FEZ2: variants seen among roughly 807,000 people sequenced by gnomAD.
FEZ2 encodes fasciculation and elongation protein zeta-2.
Under a neutral mutation model 40.4 loss-of-function variants are expected in FEZ2, and 51 were observed. The observed-to-expected ratio is 1.26, with a 90% CI of 1.01 to 1.59. The LOEUF (loss-of-function observed/expected upper bound fraction) is 1.59, where lower values mean the gene tolerates loss of function less well. Among genes scored for constraint, FEZ2 ranks in the 40% most tolerant of loss-of-function variants. The pLI, the probability that FEZ2 is intolerant of heterozygous loss-of-function variation, is 0.00. For missense variants in FEZ2, 640 were observed against 438.3 expected, an observed-to-expected ratio of 1.46 and a Z score of -4.11; for synonymous variants, 242 against 172.0, an observed-to-expected ratio of 1.41 and a Z score of -3.18.
Position 36,573,689 on chromosome 2 carries a change from G to A in FEZ2, c.903+4908C>T, listed in dbSNP as rs181780888. ...AAGCCAATGATTACAACACAGTGTG[G>A]TACTTCAATATCACAAGTATGTGTA... On this transcript the variant is annotated intron_variant, in intron 5 of 7. Transcript: ENST00000405912. Among the ~76,000 whole-genome samples the A allele has an allele frequency of 2.0e-5, 3 of 152,308 alleles. No individual in the cohort carries two copies. In the East Asian group the frequency reaches 5.8e-4, roughly 29 times the overall value.
At chr2:36,575,842 T>A (rs848600) in intron 5 of FEZ2, among the ~76,000 whole-genome samples, 90,086 of 151,974 alleles carry the variant, frequency 0.59, 27,318 homozygotes, top group East Asian at 0.85. Context: ...AATTTTAGAT[T>A]AAGTGGTATG....
At chr2:36,580,145 T>C (rs888711787) in intron 4 of FEZ2, among the ~76,000 whole-genome samples, 5 of 152,360 alleles carry the variant, frequency 3.3e-5, no homozygotes, top group Non-Finnish European at 4.4e-5. Flanking sequence ...CCACCCACTC[T>C]GTGGTACTTT....
intron 6 of FEZ2, chr2:36,556,547 G>GT (rs1667966246): frequency 1.3e-5 from 2 of 152,196 alleles, no homozygotes; most frequent in Non-Finnish European, 2.9e-5. Context: ...GCAAAATAGT[G>GT]TAACTGTCAA....
At chr2:36,566,877 G>A (rs1034828655) in intron 5 of FEZ2, among the ~76,000 whole-genome samples, 3 of 152,052 alleles carry the variant, frequency 2.0e-5, no homozygotes, top group Non-Finnish European at 2.9e-5. Context: ...TAAATCCTAC[G>A]AGTCTATGGA....
At chr2:36,568,852 C>CT (rs778397677) in intron 5 of FEZ2, among the ~76,000 whole-genome samples, 1 of 152,140 alleles carries the variant, frequency 6.6e-6, no homozygotes, top group Non-Finnish European at 1.5e-5. Context: ...AAAATCAGTC[C>CT]TTATCTGGAA....
chr2:36,578,775 T>C lies in FEZ2; in HGVS notation c.725A>G (p.Gln242Arg). The change falls in exon 5 of 8, where the codon CAG (glutamine) becomes CGG (arginine). Residue 242 changes from glutamine (Q) to arginine (R), a missense_variant. Gln to Arg is a conservative substitution (Grantham distance 43). Coordinates refer to ENST00000405912, the MANE Select transcript of FEZ2 (RefSeq NM_005102.3). The part of the protein sequence containing the change: ...IKEYSEELVQ[Q>R]LALRDELEFE... Reference sequence around the variant, plus strand: ...CTCCAGTTCATCTCGTAAAGCCAACTGCTGCACCAGCTCCTCAGAGTACTC... The same window carrying C: ...CTCCAGTTCATCTCGTAAAGCCAACCGCTGCACCAGCTCCTCAGAGTACTC... 1.2e-6 allele frequency: 2 copies of C among 1,614,018 alleles called. No individual in the cohort carries two copies. The highest frequency in any genetic ancestry group is 1.7e-6 in the Non-Finnish European group (2 of 1,179,854).
chr2:36,597,034 T>G (rs1669245161), intron 1 of FEZ2, among the ~76,000 whole-genome samples: 1 of 152,118 alleles, frequency 6.6e-6, no homozygotes, highest in South Asian at 2.1e-4. Context: ...GATTCTGTAA[T>G]TATTAATATT....
chr2:36,597,879 G>T lies in FEZ2; in HGVS notation c.264C>A (p.Asp88Glu), dbSNP rs1185618079. ...CCCGGCCGGGGCCCCGCACTCACTC[G>T]TCCCCCTGCAGGAGGCTGCGCTCCG... is the stretch of plus-strand genomic sequence containing the variant. ...PITERSLLQG[D>E]EIWNALTDNY... Residue 88 changes from aspartate (D) to glutamate (E), a missense_variant and splice_region_variant, in exon 1 of 8, where the codon GAC becomes GAA. Asp to Glu is a conservative substitution (Grantham distance 45, BLOSUM62 2). Coordinates refer to ENST00000405912, the MANE Select transcript of FEZ2 (RefSeq NM_005102.3). 7.3e-7 allele frequency: 1 copy of T among 1,365,724 alleles called. No individual in the cohort carries two copies. The highest frequency in any genetic ancestry group is 1.7e-5 in the South Asian group (1 of 59,836). The allele number at this position is 1,365,724 out of a possible 1,614,324, so 84.6% of individuals were successfully genotyped here.
intron 2 of FEZ2, among the ~76,000 whole-genome samples, chr2:36,583,678 TG>T (rs889005235): frequency 6.6e-6 from 1 of 152,066 alleles, no homozygotes; most frequent in Non-Finnish European, 1.5e-5. Flanking sequence ...ATGAAATCAC[TG>T]AGATGCTGCA....
chr2:36,590,654 C>G (rs1301550834), intron 2 of FEZ2: 1 of 319,330 alleles, frequency 3.1e-6, no homozygotes, highest in Non-Finnish European at 5.6e-6. Context: ...GAGACTCCGT[C>G]AAAAAAAAAA....
intron 5 of FEZ2, among the ~76,000 whole-genome samples, chr2:36,571,838 T>A (rs1328435959): frequency 6.7e-6 from 1 of 148,182 alleles, no homozygotes; most frequent in Non-Finnish European, 1.5e-5. Flanking sequence ...AAACCCCACC[T>A]CTACTGAAAA....
At chr2:36,571,588 G>A (rs1255056661) in intron 5 of FEZ2, among the ~76,000 whole-genome samples, 2 of 152,096 alleles carry the variant, frequency 1.3e-5, no homozygotes, top group Non-Finnish European at 2.9e-5. Flanking sequence ...CCAGGAGGTA[G>A]AGGCTGCAGT....
chr2:36,587,563 A>G (rs1290058327), intron 2 of FEZ2, among the ~76,000 whole-genome samples: 5 of 152,376 alleles, frequency 3.3e-5, no homozygotes, highest in African/African-American at 1.2e-4. Flanking sequence ...TGCCATCTTA[A>G]TCTTCAATCA....
rs781733221 is a variant in FEZ2, at chr2:36,578,601, C to T, written c.899G>A (p.Gly300Asp). 6.2e-7 allele frequency: 1 copy of T among 1,611,206 alleles called. No individual in the cohort carries two copies. Among genetic ancestry groups the T allele is most frequent in the Non-Finnish European group, 8.5e-7 (1 of 1,178,978 alleles). The change falls in exon 5 of 8, where the codon GGC (glycine) becomes GAC (aspartate). Residue 300 changes from glycine to aspartate, a missense_variant. Coordinates refer to ENST00000405912, the MANE Select transcript of FEZ2 (RefSeq NM_005102.3). ...NGKNERSHMP[G>D]TYLTTVIPYE... is the part of the protein sequence containing the mutation. Reference sequence around the variant, plus strand: ...CTCCTGCAAAACATCACTTACTGTGCCGGGCATATGACTTCTCTCATTCTT... The same window carrying T: ...CTCCTGCAAAACATCACTTACTGTGTCGGGCATATGACTTCTCTCATTCTT...
rs540165372 is a variant in FEZ2 at position 36,591,102 on chromosome 2, C to G, written c.267-91G>C. The G allele has an allele frequency of 1.7e-4, 137 of 783,370 alleles. 4 individuals carry two copies. Among genetic ancestry groups the G allele is most frequent in the South Asian group, 1.2e-3 (78 of 62,902 alleles). The allele number at this position is 783,370 out of a possible 1,614,324, so 48.5% of individuals were successfully genotyped here. ...TCAGTGAAAGATGAACAGCAAATGT[C>G]AAAGGAAACAGAGAAAAACAGACAG... On this transcript the variant is annotated intron_variant, in intron 1 of 7. Transcript: ENST00000405912.
chr2:36,568,993 T>C lies in FEZ2; in HGVS notation c.903+9604A>G, dbSNP rs1281079208. 2.0e-5 allele frequency among the ~76,000 whole-genome samples: 3 copies of C among 152,144 alleles called. No homozygotes were observed. The East Asian group carries it at 5.8e-4, about 29-fold the overall frequency. ...CCCATTTACAACATCCTTGCAAAGCTCAGAAAACGAAAATTCAAGCCAAGG... is the reference window on the plus strand; with the variant it reads ...CCCATTTACAACATCCTTGCAAAGCCCAGAAAACGAAAATTCAAGCCAAGG... On this transcript the variant is annotated intron_variant, in intron 5 of 7. Transcript: ENST00000405912.
At chr2:36,562,169 T>C (rs902110194) in intron 5 of FEZ2, among the ~76,000 whole-genome samples, 1 of 152,236 alleles carries the variant, frequency 6.6e-6, no homozygotes, top group African/African-American at 2.4e-5. Context: ...ACAGCAATGA[T>C]ATTTTTTCAT....
In FEZ2 at chr2:36,597,993, CG is replaced by C; in HGVS notation, c.149del (p.Pro50ArgfsTer9). The C allele has an allele frequency of 6.7e-7, 1 of 1,497,144 alleles. No individual in the cohort carries two copies. The highest frequency in any genetic ancestry group is 8.9e-7 in the Non-Finnish European group (1 of 1,129,000). The allele number at this position is 1,497,144 out of a possible 1,614,324, so 92.7% of individuals were successfully genotyped here. On this transcript the variant is annotated frameshift_variant, in exon 1 of 8. Coordinates refer to ENST00000405912, the MANE Select transcript of FEZ2 (RefSeq NM_005102.3). LOFTEE classifies it high-confidence loss of function. ...TCAGCTTCTCCTCCAAGCTGCAGGCCGGGGCCGGGAAACCGTCGGCGCCCCC... is the reference window on the plus strand; with the variant it reads ...TCAGCTTCTCCTCCAAGCTGCAGGCCGGGCCGGGAAACCGTCGGCGCCCCC... ...AGGGADGFPA[P>X]ACSLEEKLSL...
At chr2:36,592,729 T>G (rs1441510170) in intron 1 of FEZ2, among the ~76,000 whole-genome samples, 2 of 151,918 alleles carry the variant, frequency 1.3e-5, no homozygotes, top group South Asian at 2.1e-4. Flanking sequence ...GCAGGAGGAC[T>G]GCTTAAGCCC....
Sources: gnomAD v4.1 joint callset for allele counts (sites outside exome capture counted in the v4.1 genomes callset) on GRCh38, gnomAD v4.1.1 for gene constraint, MANE v1.5 for transcripts, NCBI Gene and HGNC (gene_info 2026-07-23, HGNC 2026-07-21) for gene names.